QRICH1: variants seen among roughly 807,000 people sequenced by gnomAD.
QRICH1 encodes transcriptional regulator QRICH1.
QRICH1 carries 16 observed loss-of-function variants against 87.1 expected under a neutral mutation model. The ratio of observed to expected loss-of-function variants is 0.18; its 90% CI spans 0.12 to 0.28. QRICH1 has a LOEUF of 0.28. Ranked by LOEUF, QRICH1 falls within the 10% of genes least tolerant of loss-of-function variation. The pLI, the probability that QRICH1 is intolerant of heterozygous loss-of-function variation, is 1.00. For synonymous variants in QRICH1, 367 were observed against 368.4 expected, an observed-to-expected ratio of 1.00 and a Z score of 0.05; for missense variants, 647 against 951.7, an observed-to-expected ratio of 0.68 and a Z score of 4.21.
At chr3:49,046,348 T>C (rs1459781002) in intron 5 of QRICH1, 77 bp downstream of exon 5, 15 of 1,419,076 alleles carry the variant, frequency 1.1e-5, no homozygotes, top group African/African-American at 2.9e-5. Context: ...TTCTTGCTTA[T>C]CAATTTATTA....
intron 3 of QRICH1, among the ~76,000 whole-genome samples, chr3:49,049,335 C>T (rs1213558548): frequency 6.6e-6 from 1 of 151,554 alleles, no homozygotes; most frequent in Non-Finnish European, 1.5e-5. Flanking sequence ...ATCTCAGCTA[C>T]TTGGGAGGCT....
intron 3 of QRICH1, among the ~76,000 whole-genome samples, chr3:49,051,601 C>T (rs779123669): frequency 7.3e-6 from 1 of 136,658 alleles, no homozygotes; most frequent in Non-Finnish European, 1.6e-5. Context: ...CCCCCCTCCG[C>T]TTAATATACC....
At chr3:49,055,543 T>G (rs565714090) in intron 3 of QRICH1, among the ~76,000 whole-genome samples, 1 of 152,202 alleles carries the variant, frequency 6.6e-6, no homozygotes, top group African/African-American at 2.4e-5. Context: ...TTTAAATTTT[T>G]GTAGAGATAG....
intron 1 of QRICH1, among the ~76,000 whole-genome samples, chr3:49,090,058 T>TA (rs1409858417): frequency 6.6e-6 from 1 of 152,236 alleles, no homozygotes; most frequent in Non-Finnish European, 1.5e-5. Context: ...CTCACGCCTG[T>TA]AATCTCAGCA....
At chr3:49,044,576 T>G (rs2106855489) in intron 5 of QRICH1, 72 bp from the exon 6 acceptor site, 1 of 1,141,264 alleles carries the variant, frequency 8.8e-7, no homozygotes, top group East Asian at 2.4e-5. Flanking sequence ...ATAAATATAT[T>G]TTTCTACCAG....
chr3:49,069,052 T>C (rs975569361), intron 2 of QRICH1, among the ~76,000 whole-genome samples: 1 of 151,470 alleles, frequency 6.6e-6, no homozygotes, highest in Non-Finnish European at 1.5e-5. Flanking sequence ...TAGAACTACT[T>C]GAATAAGGCA....
chr3:49,054,104 G>A (rs1431957076), intron 3 of QRICH1, among the ~76,000 whole-genome samples: 3 of 152,084 alleles, frequency 2.0e-5, no homozygotes, highest in Admixed American at 6.6e-5. Context: ...ATCACTCTAA[G>A]ACTTTCCCAA....
chr3:49,048,277 C>CA (rs2093350022), intron 3 of QRICH1, among the ~76,000 whole-genome samples: 1 of 151,662 alleles, frequency 6.6e-6, no homozygotes, highest in Non-Finnish European at 1.5e-5. Context: ...GGATTACAGG[C>CA]ATGTGCCACC....
chr3:49,057,065 G>C lies in QRICH1; in HGVS notation c.1135C>G (p.Leu379Val). 6.2e-7 allele frequency: 1 copy of C among 1,614,234 alleles called. No individual in the cohort carries two copies. The highest frequency in any genetic ancestry group is 8.5e-7 in the Non-Finnish European group (1 of 1,180,036). The change falls in exon 3 of 10, where the codon CTT becomes GTT. Residue 379 changes from leucine (L) to valine (V), a missense_variant. Leu to Val is a conservative substitution (Grantham distance 32, BLOSUM62 1). Transcript: ENST00000395443. The surrounding 1 kb of genome is among the most constrained non-coding windows in gnomAD (Gnocchi z 5.4). ...KNSHEEVVQT[L>V]ANSLFPAQFM... ...TGTGCTGGAAAGAGAGAGTTTGCAA[G>C]GGTCTGCACTACCTCTTCATGGGAG...
chr3:49,064,183 G>A (rs185035757), intron 2 of QRICH1, among the ~76,000 whole-genome samples: 499 of 150,800 alleles, frequency 3.3e-3, no homozygotes, highest in African/African-American at 0.011. Context: ...CGCCTGCCTC[G>A]GCCTCCCAAA....
intron 6 of QRICH1, 137 bp downstream of exon 6, chr3:49,044,253 G>A (rs2106854307): frequency 8.6e-6 from 6 of 701,112 alleles, no homozygotes; most frequent in South Asian, 7.3e-5. Context: ...AGGGCAAGTA[G>A]CACAGTGGCC....
intron 1 of QRICH1, among the ~76,000 whole-genome samples, chr3:49,083,024 T>C (rs866832615): frequency 6.6e-6 from 1 of 150,724 alleles, no homozygotes; most frequent in Non-Finnish European, 1.5e-5. Flanking sequence ...CTGACTAACA[T>C]GGAGAACCCC....
intron 2 of QRICH1, among the ~76,000 whole-genome samples, chr3:49,068,217 C>T (rs978499668): frequency 6.6e-6 from 1 of 151,744 alleles, no homozygotes; most frequent in Non-Finnish European, 1.5e-5. Context: ...ATTAGCCAGG[C>T]GTGGTGGTGC....
At chr3:49,040,359 G>A (rs976008692) in intron 6 of QRICH1, among the ~76,000 whole-genome samples, 1 of 152,320 alleles carries the variant, frequency 6.6e-6, no homozygotes, top group Non-Finnish European at 1.5e-5. Context: ...TGTAATCCCA[G>A]CTCTTAGGGA....
chr3:49,045,002 G>A (rs945881185), intron 5 of QRICH1, among the ~76,000 whole-genome samples: 5 of 151,648 alleles, frequency 3.3e-5, no homozygotes, highest in African/African-American at 1.2e-4. Flanking sequence ...CTCAAGACTA[G>A]GCAACAGAAT....
intron 3 of QRICH1, among the ~76,000 whole-genome samples, chr3:49,048,420 C>T (rs2093350916): frequency 6.7e-6 from 1 of 149,816 alleles, no homozygotes. Context: ...CTTGGGCCAT[C>T]GGCCGAGAGC....
At chr3:49,055,228 C>T (rs954604307) in intron 3 of QRICH1, among the ~76,000 whole-genome samples, 1 of 152,140 alleles carries the variant, frequency 6.6e-6, no homozygotes, top group East Asian at 1.9e-4. Context: ...CACTTACAGC[C>T]CATGTTTCCA....
At chr3:49,035,660 C>A (rs867929906) in intron 6 of QRICH1, among the ~76,000 whole-genome samples, 29 of 146,548 alleles carry the variant, frequency 2.0e-4, no homozygotes, top group African/African-American at 5.3e-4. Flanking sequence ...AAAAAAAAAA[C>A]AAAAAAAAAC....
intron 1 of QRICH1, 64 bp downstream of exon 1, chr3:49,093,848 G>A (rs922226070): frequency 1.2e-5 from 3 of 253,356 alleles, no homozygotes; most frequent in African/African-American, 7.0e-5. Flanking sequence ...GCCGTTGTGT[G>A]GGGTGGGCCC....
Sources: gnomAD v4.1 joint callset for allele counts (sites outside exome capture counted in the v4.1 genomes callset) on GRCh38, gnomAD v4.1.1 for gene constraint, Gnocchi (gnomAD v3.1) non-coding constraint, MANE v1.5 for transcripts, NCBI Gene and HGNC (gene_info 2026-07-23, HGNC 2026-07-21) for gene names.